KIF6: variants seen among roughly 807,000 people sequenced by gnomAD.
KIF6 encodes kinesin-like protein KIF6.
In KIF6, 106 loss-of-function variants were observed where a neutral mutation model predicts 112.7. The observed-to-expected ratio is 0.94, with a 90% CI of 0.80 to 1.11. KIF6 has a LOEUF of 1.11. Among genes scored for constraint, KIF6 ranks in the 50% least tolerant of loss-of-function variants. The pLI, the probability that KIF6 is intolerant of heterozygous loss-of-function variation, is 0.00. For synonymous variants in KIF6, 339 were observed against 339.9 expected (o/e 1.00, Z 0.03); for missense variants, 929 against 964.0 (o/e 0.96, Z 0.48).
chr6:39,599,097 G>A (rs1782442453), intron 6 of KIF6, among the ~76,000 whole-genome samples: 1 of 152,104 alleles, frequency 6.6e-6, no homozygotes, highest in South Asian at 2.1e-4. Flanking sequence ...TCCTGGATTG[G>A]AAAACATGGA....
intron 3 of KIF6, among the ~76,000 whole-genome samples, chr6:39,668,951 C>T (rs139341049): frequency 0.017 from 2,606 of 152,006 alleles, 34 homozygotes; most frequent in Middle Eastern, 0.095. Context: ...AGATATTGAG[C>T]AACTTTGACT....
At chr6:39,450,647 A>C (rs1210302484) in intron 13 of KIF6, among the ~76,000 whole-genome samples, 1 of 152,030 alleles carries the variant, frequency 6.6e-6, no homozygotes, top group Non-Finnish European at 1.5e-5. Flanking sequence ...TCTACCAAAA[A>C]CACAAAAATT....
intron 3 of KIF6, among the ~76,000 whole-genome samples, chr6:39,674,055 A>G (rs1243619270): frequency 6.6e-6 from 1 of 152,206 alleles, no homozygotes; most frequent in Non-Finnish European, 1.5e-5. Flanking sequence ...GAATTTTGAG[A>G]AAAATAAAAT....
chr6:39,596,120 A>T lies in KIF6; in HGVS notation c.780T>A (p.Thr260=). The T allele has an allele frequency of 6.2e-7, 1 of 1,614,062 alleles. No homozygotes were observed. Among genetic ancestry groups the T allele is most frequent in the Non-Finnish European group, 8.5e-7 (1 of 1,179,976 alleles). Residue 260 remains threonine, a synonymous_variant, in exon 7 of 23, where the codon ACT becomes ACA. Transcript: ENST00000287152. ...DLAGSERVAK[T]GVGGHLLTEA... The stretch of plus-strand genomic sequence containing the variant: ...CTGTTAGAAGATGGCCCCCTACTCC[A>T]GTCTTTGCAACTCGCTCTGAACCAG...
At chr6:39,422,123 G>C (rs566670674) in intron 14 of KIF6, among the ~76,000 whole-genome samples, 1 of 152,242 alleles carries the variant, frequency 6.6e-6, no homozygotes, top group East Asian at 1.9e-4. Flanking sequence ...CAAGAGCAAG[G>C]GTGCAAAACT....
At chr6:39,452,601 ACT>A (rs972310502) in intron 13 of KIF6, among the ~76,000 whole-genome samples, 1 of 152,086 alleles carries the variant, frequency 6.6e-6, no homozygotes, top group African/African-American at 2.4e-5. Flanking sequence ...CACAAAAGTG[ACT>A]CATTTTAAGC....
At chr6:39,619,770 T>C (rs529654979) in intron 5 of KIF6, among the ~76,000 whole-genome samples, 1 of 152,352 alleles carries the variant, frequency 6.6e-6, no homozygotes, top group African/African-American at 2.4e-5. Flanking sequence ...GTGATTGCAC[T>C]CATTTATTTA....
chr6:39,525,569 A>C (rs1777669866), intron 13 of KIF6, among the ~76,000 whole-genome samples: 1 of 152,150 alleles, frequency 6.6e-6, no homozygotes, highest in Admixed American at 6.5e-5. Flanking sequence ...AGCCTGGCCA[A>C]CATGGCAAAA....
chr6:39,635,268 A>AT (rs796141103), intron 4 of KIF6, among the ~76,000 whole-genome samples: 154 of 151,796 alleles, frequency 1.0e-3, no homozygotes, highest in African/African-American at 3.1e-3. Context: ...ATAACACACC[A>AT]TTTTTTTTAC....
chr6:39,530,471 G>A (rs13213322), intron 13 of KIF6, among the ~76,000 whole-genome samples: 35,367 of 152,070 alleles, frequency 0.23, 5,037 homozygotes, highest in African/African-American at 0.38. Context: ...TCCAAACTAC[G>A]GAGCGGAACA....
At position 39,617,416 on chromosome 6, in the gene KIF6, C is replaced by T. The variant is rs1384343038; in HGVS notation, c.510-4098G>A. On this transcript the variant is annotated intron_variant, in intron 5 of 22. Coordinates refer to ENST00000287152, the MANE Select transcript of KIF6 (RefSeq NM_145027.6). ...CCCTACCTCCACATTTCAGTACCAT[C>T]AACTTGCTGAAAAGGAACTTCCCAG... is the stretch of plus-strand genomic sequence containing the variant. 2.0e-5 allele frequency among the ~76,000 whole-genome samples: 3 copies of T among 152,160 alleles called. No homozygotes were observed. In the East Asian group the frequency reaches 5.8e-4, roughly 29 times the overall value.
chr6:39,607,541 T>C (rs1013846380), intron 6 of KIF6, among the ~76,000 whole-genome samples: 3 of 152,170 alleles, frequency 2.0e-5, no homozygotes, highest in Non-Finnish European at 4.4e-5. Context: ...TTACTAAGGC[T>C]TCTAGCTACT....
At chr6:39,391,941 A>G (rs982003340) in intron 15 of KIF6, among the ~76,000 whole-genome samples, 1 of 151,666 alleles carries the variant, frequency 6.6e-6, no homozygotes, top group African/African-American at 2.4e-5. Context: ...GTATATATGA[A>G]TGCATGTATA....
intron 10 of KIF6, among the ~76,000 whole-genome samples, chr6:39,559,183 A>G (rs956858572): frequency 3.3e-5 from 5 of 152,202 alleles, no homozygotes; most frequent in Non-Finnish European, 7.3e-5. Context: ...TTTAATCCAC[A>G]AAGTTTAGGT....
At chr6:39,605,139 G>T (rs958584879) in intron 6 of KIF6, among the ~76,000 whole-genome samples, 2 of 151,990 alleles carry the variant, frequency 1.3e-5, no homozygotes, top group African/African-American at 2.4e-5. Context: ...AAGCATTAAG[G>T]TTTGCTCTCT....
At chr6:39,456,550 T>G (rs1306709355) in intron 13 of KIF6, among the ~76,000 whole-genome samples, 425 of 107,086 alleles carry the variant, frequency 4.0e-3, no homozygotes, top group Middle Eastern at 0.024. Context: ...TGGACTAAAT[T>G]CTCCAATTAA....
chr6:39,569,133 G>A (rs990926485), intron 10 of KIF6, among the ~76,000 whole-genome samples: 3 of 152,120 alleles, frequency 2.0e-5, no homozygotes, highest in African/African-American at 7.2e-5. Context: ...ATTTTGAAAT[G>A]TTTTTAATAG....
chr6:39,520,569 T>A (rs1251977593), intron 13 of KIF6, among the ~76,000 whole-genome samples: 2 of 152,214 alleles, frequency 1.3e-5, no homozygotes, highest in Non-Finnish European at 2.9e-5. Context: ...TCAGCCAGTG[T>A]TGCATAACTA....
At chr6:39,692,634 T>C (rs529869534) in intron 3 of KIF6, among the ~76,000 whole-genome samples, 8 of 152,334 alleles carry the variant, frequency 5.3e-5, no homozygotes, top group African/African-American at 1.7e-4. Flanking sequence ...TGTGATAGAA[T>C]GATGGTTATA....
Sources: allele counts gnomAD v4.1 joint callset (sites outside exome capture counted in the v4.1 genomes callset), GRCh38; gene constraint gnomAD v4.1.1; transcripts MANE v1.5; gene names NCBI Gene and HGNC (gene_info 2026-07-23, HGNC 2026-07-21).